CSPP1: variants seen among roughly 807,000 people sequenced by gnomAD.
CSPP1 encodes centrosome and spindle pole-associated protein 1.
In CSPP1, 126 loss-of-function variants were observed where a neutral mutation model predicts 164.4. The observed-to-expected ratio is 0.77, with a 90% CI of 0.66 to 0.89. The LOEUF (loss-of-function observed/expected upper bound fraction) is 0.89. Among genes scored for constraint, CSPP1 ranks in the 40% least tolerant of loss-of-function variants. CSPP1 has a pLI of 0.00. For missense variants in CSPP1, 1,395 were observed against 1,449.8 expected, an observed-to-expected ratio of 0.96 and a Z score of 0.61; for synonymous variants, 472 against 476.7, an observed-to-expected ratio of 0.99 and a Z score of 0.13.
At chr8:67,092,449 T>C (rs954723331) in intron 5 of CSPP1, among the ~76,000 whole-genome samples, 1 of 152,178 alleles carries the variant, frequency 6.6e-6, no homozygotes, top group Non-Finnish European at 1.5e-5. Context: ...CTAGTTTCTT[T>C]TTTTTTGAGA....
At chr8:67,069,759 A>G (rs1021791239) in intron 1 of CSPP1, among the ~76,000 whole-genome samples, 1 of 151,482 alleles carries the variant, frequency 6.6e-6, no homozygotes, top group Non-Finnish European at 1.5e-5. Flanking sequence ...GCCTGGTTCA[A>G]GCGATTCTCC....
chr8:67,080,227 G>A (rs1808860216), intron 3 of CSPP1, among the ~76,000 whole-genome samples: 1 of 152,158 alleles, frequency 6.6e-6, no homozygotes, highest in South Asian at 2.1e-4. Flanking sequence ...TGGAAATGAG[G>A]TATTGACTTA....
At position 67,167,586 on chromosome 8, in the gene CSPP1, A is replaced by G. The variant is rs866531666; in HGVS notation, c.2828+3078A>G. ...GGGCTCCTCACTTCTCAGACGGGGC[A>G]GCTGCCGGGCGGAGGGGCTCCTCAC... On this transcript the variant is annotated intron_variant, in intron 24 of 30. Coordinates refer to ENST00000678616, the MANE Select transcript of CSPP1 (RefSeq NM_001382391.1). Among the ~76,000 whole-genome samples, 1,175 of 119,680 alleles carry G rather than the reference A, an allele frequency of 9.8e-3. 7 individuals carry two copies. Among genetic ancestry groups the G allele is most frequent in the Middle Eastern group, 0.025 (4 of 160 alleles). 78.5% of individuals were successfully genotyped at this position (119,680 alleles called of 152,430 possible).
Position 67,116,069 on chromosome 8 carries a change from T to G in CSPP1, c.1443T>G (p.Asn481Lys). Residue 481 changes from asparagine to lysine, a missense_variant, in exon 13 of 31, where the codon AAT becomes AAG. Physicochemically the swap from Asn to Lys is moderately conservative, Grantham distance 94. Transcript: ENST00000678616. The stretch of plus-strand genomic sequence containing the variant: ...CAGTTCATCCTGTTCCTTCTCAAAA[T>G]GAAGATTTGCGCAGTGGACTCAGCA... ...IPSVHPVPSQ[N>K]EDLRSGLSSA... is the part of the protein sequence containing the mutation. 6.2e-7 allele frequency: 1 copy of G among 1,614,088 alleles called. No homozygotes were observed. Among genetic ancestry groups the G allele is most frequent in the Non-Finnish European group, 8.5e-7 (1 of 1,180,004 alleles).
intron 28 of CSPP1, among the ~76,000 whole-genome samples, chr8:67,189,799 T>C (rs547981054): frequency 6.6e-6 from 1 of 152,302 alleles, no homozygotes; most frequent in South Asian, 2.1e-4. Context: ...AAGTAACTAA[T>C]GGTGATTCTA....
At chr8:67,074,810 T>G in intron 2 of CSPP1, 1 of 304,852 alleles carries the variant, frequency 3.3e-6, no homozygotes, top group Non-Finnish European at 6.2e-6. Flanking sequence ...AGATAGAATC[T>G]CGCTCTGTTG....
intron 1 of CSPP1, among the ~76,000 whole-genome samples, chr8:67,072,855 G>A (rs188423797): frequency 4.0e-5 from 5 of 125,036 alleles, no homozygotes; most frequent in Non-Finnish European, 6.4e-5. Context: ...GTGAAACAAC[G>A]AGAGAGCCTG....
intron 5 of CSPP1, 107 bp from the exon 6 acceptor site, chr8:67,093,436 A>T (rs1337908530): frequency 7.9e-6 from 5 of 635,974 alleles, no homozygotes; most frequent in Non-Finnish European, 1.4e-5. Context: ...GATTCTGGGT[A>T]AGAGTTCTGA....
At chr8:67,144,137 G>T (rs1272949994) in intron 17 of CSPP1, among the ~76,000 whole-genome samples, 1 of 152,142 alleles carries the variant, frequency 6.6e-6, no homozygotes, top group Admixed American at 6.5e-5. Context: ...CATTGTGAGT[G>T]TATGTTGAAT....
At chr8:67,141,400 T>C (rs1823462205) in intron 17 of CSPP1, among the ~76,000 whole-genome samples, 1 of 152,236 alleles carries the variant, frequency 6.6e-6, no homozygotes, top group Admixed American at 6.5e-5. Flanking sequence ...CTTCATGCCA[T>C]GAAATAGAAA....
At chr8:67,188,246 T>C (rs896106853) in intron 28 of CSPP1, among the ~76,000 whole-genome samples, 3 of 152,146 alleles carry the variant, frequency 2.0e-5, no homozygotes, top group African/African-American at 2.4e-5. Flanking sequence ...CACATCACCA[T>C]ACAGATAACA....
At chr8:67,108,849 A>G (rs986063586) in intron 9 of CSPP1, among the ~76,000 whole-genome samples, 2 of 152,188 alleles carry the variant, frequency 1.3e-5, no homozygotes, top group Non-Finnish European at 2.9e-5. Context: ...CCTTTGCTAT[A>G]TAAGAGTGTG....
intron 28 of CSPP1, among the ~76,000 whole-genome samples, chr8:67,184,728 A>C (rs2129572932): frequency 7.1e-6 from 1 of 141,526 alleles, no homozygotes; most frequent in South Asian, 2.2e-4. Flanking sequence ...TGTCTAAAAA[A>C]ATAATAATAA....
intron 30 of CSPP1, 51 bp downstream of exon 30, chr8:67,193,653 A>C (rs757145722): frequency 1.7e-5 from 26 of 1,528,818 alleles, no homozygotes; most frequent in Non-Finnish European, 1.9e-5. Context: ...TGAACTTTTA[A>C]ACTTTCTTAC....
At chr8:67,146,638 T>C (rs1824627473) in intron 17 of CSPP1, among the ~76,000 whole-genome samples, 1 of 152,240 alleles carries the variant, frequency 6.6e-6, no homozygotes, top group Non-Finnish European at 1.5e-5. Flanking sequence ...CATGAATTGC[T>C]GAATAATCCT....
At chr8:67,153,302 T>C (rs2129558843) in intron 18 of CSPP1, among the ~76,000 whole-genome samples, 1 of 152,304 alleles carries the variant, frequency 6.6e-6, no homozygotes, top group East Asian at 1.9e-4. Flanking sequence ...TAAATTTAAA[T>C]GTCATTTTTT....
chr8:67,119,823 G>T (rs11992626), intron 15 of CSPP1, among the ~76,000 whole-genome samples: 12,616 of 152,016 alleles, frequency 0.083, 1,067 homozygotes, highest in African/African-American at 0.22. Flanking sequence ...GAAAATATTT[G>T]CTCCCATTCT....
intron 17 of CSPP1, among the ~76,000 whole-genome samples, chr8:67,142,956 C>T (rs1823792116): frequency 6.6e-6 from 1 of 152,098 alleles, no homozygotes; most frequent in Non-Finnish European, 1.5e-5. Context: ...TATCCTTCAC[C>T]TTGTTTCCCC....
chr8:67,103,846 A>C (rs1011254354), intron 8 of CSPP1, among the ~76,000 whole-genome samples: 3 of 151,246 alleles, frequency 2.0e-5, no homozygotes, highest in African/African-American at 7.3e-5. Context: ...TCTCAAAAAA[A>C]AAAAAAAAAA....
Sources: allele counts gnomAD v4.1 joint callset (sites outside exome capture counted in the v4.1 genomes callset), GRCh38; gene constraint gnomAD v4.1.1; transcripts MANE v1.5; gene names NCBI Gene and HGNC (gene_info 2026-07-23, HGNC 2026-07-21).